Variants in PRKN observed in about 807,000 individuals in gnomAD.
PRKN encodes parkin RBR E3 ubiquitin protein ligase, also known as E3 ubiquitin-protein ligase parkin.
A neutral mutation model predicts 59.5 loss-of-function variants in PRKN; 56 were observed. The observed-to-expected ratio is 0.94, with a 90% CI of 0.76 to 1.18. The LOEUF (loss-of-function observed/expected upper bound fraction) is 1.18, where lower values mean the gene tolerates loss of function less well. PRKN is among the 50% of genes most tolerant of loss of function. PRKN has a pLI of 0.00. For missense variants in PRKN, 657 were observed against 596.4 expected (o/e 1.10, Z -1.06); for synonymous variants, 250 against 222.1 (o/e 1.13, Z -1.12).
At chr6:162,678,208 G>A (rs1422582652) in intron 1 of PRKN, among the ~76,000 whole-genome samples, 1 of 152,172 alleles carries the variant, frequency 6.6e-6, no homozygotes, top group African/African-American at 2.4e-5. Context: ...ACCTGTTGAT[G>A]GTTATTGGAG....
chr6:162,095,140 G>T (rs1453048113), intron 4 of PRKN, among the ~76,000 whole-genome samples: 1 of 152,176 alleles, frequency 6.6e-6, no homozygotes, highest in Admixed American at 6.5e-5. Flanking sequence ...GGTGGCTTTA[G>T]AATTACTACA....
rs1408064397 is a variant in PRKN, at chr6:161,578,204, A to G, written c.872-8788T>C. On this transcript the variant is annotated intron_variant, in intron 7 of 11. Coordinates refer to ENST00000366898, the MANE Select transcript of PRKN (RefSeq NM_004562.3). The surrounding 1 kb of genome is among the most constrained non-coding windows in gnomAD (Gnocchi z 4.2). The stretch of plus-strand genomic sequence containing the variant: ...AAGCCTGGAGTGTTTGAGGAATCCA[A>G]GCAGCTGCTTGGCTGCAGATGAGAA... Among the ~76,000 whole-genome samples, 1 of 152,146 alleles carries G rather than the reference A, an allele frequency of 6.6e-6. No homozygotes were observed. Among genetic ancestry groups the G allele is most frequent in the Non-Finnish European group, 1.5e-5 (1 of 68,026 alleles).
At chr6:162,718,393 T>C (rs142249636) in intron 1 of PRKN, among the ~76,000 whole-genome samples, 5 of 152,234 alleles carry the variant, frequency 3.3e-5, no homozygotes, top group Admixed American at 6.5e-5. Context: ...TATGAAAGTT[T>C]CTTAGATGTT....
At chr6:162,551,370 TA>T (rs1295857222) in intron 1 of PRKN, among the ~76,000 whole-genome samples, 3 of 152,216 alleles carry the variant, frequency 2.0e-5, no homozygotes, top group Non-Finnish European at 2.9e-5. Flanking sequence ...ATATAAGAGC[TA>T]CAAAAGAATA....
intron 4 of PRKN, among the ~76,000 whole-genome samples, chr6:162,075,558 A>G (rs1034917153): frequency 2.0e-5 from 3 of 152,016 alleles, no homozygotes; most frequent in Admixed American, 2.0e-4. Flanking sequence ...TATTGCTTCT[A>G]TATAATGTAC....
At chr6:162,385,072 CT>C (rs60719989) in intron 2 of PRKN, among the ~76,000 whole-genome samples, 11,847 of 152,090 alleles carry the variant, frequency 0.078, 506 homozygotes, top group South Asian at 0.12. Context: ...TATTCTATTT[CT>C]TTAACAAAGA....
At chr6:162,720,511 C>T (rs900403137) in intron 1 of PRKN, among the ~76,000 whole-genome samples, 17 of 135,432 alleles carry the variant, frequency 1.3e-4, no homozygotes, top group South Asian at 2.4e-4. Flanking sequence ...ACTGCAGTGG[C>T]GCAATCTCGG....
intron 4 of PRKN, among the ~76,000 whole-genome samples, chr6:162,054,798 T>A (rs903532310): frequency 1.3e-5 from 2 of 152,272 alleles, no homozygotes; most frequent in Non-Finnish European, 2.9e-5. Context: ...AATTATTGCA[T>A]TCCTCTTGGA....
At chr6:162,680,204 A>G (rs1357150201) in intron 1 of PRKN, among the ~76,000 whole-genome samples, 2 of 150,872 alleles carry the variant, frequency 1.3e-5, no homozygotes, top group Non-Finnish European at 2.9e-5. Flanking sequence ...TTGAGGAAGA[A>G]AAGAAATATA....
intron 7 of PRKN, among the ~76,000 whole-genome samples, chr6:161,590,879 A>G (rs1444507840): frequency 6.6e-6 from 1 of 152,236 alleles, no homozygotes. Flanking sequence ...AATAGTCTAG[A>G]TAAGAGGGGT....
chr6:162,584,295 C>T (rs532517667), intron 1 of PRKN, among the ~76,000 whole-genome samples: 2 of 150,360 alleles, frequency 1.3e-5, no homozygotes, highest in Non-Finnish European at 3.0e-5. Context: ...GGACAGAGAA[C>T]ATAGAACACT....
intron 3 of PRKN, among the ~76,000 whole-genome samples, chr6:162,225,275 A>T (rs190014576): frequency 2.0e-5 from 3 of 152,264 alleles, no homozygotes; most frequent in Non-Finnish European, 4.4e-5. Context: ...CCATGACTGT[A>T]AATACCTTAT....
chr6:161,907,061 C>T (rs899604158), intron 6 of PRKN, among the ~76,000 whole-genome samples: 9 of 152,168 alleles, frequency 5.9e-5, no homozygotes, highest in Non-Finnish European at 1.2e-4. Flanking sequence ...AGGAATGATA[C>T]TTTGCATCCT....
chr6:162,354,218 G>A (rs1408257292), intron 2 of PRKN, among the ~76,000 whole-genome samples: 1 of 152,078 alleles, frequency 6.6e-6, no homozygotes, highest in Non-Finnish European at 1.5e-5. Context: ...AACAATAAAA[G>A]AAAACTAAGA....
At chr6:161,826,799 G>A (rs1456595578) in intron 6 of PRKN, among the ~76,000 whole-genome samples, 4 of 152,184 alleles carry the variant, frequency 2.6e-5, no homozygotes, top group East Asian at 1.9e-4. Flanking sequence ...GAACGGACAC[G>A]CTGAGTGAGT....
At chr6:161,963,398 G>A (rs1343195711) in intron 6 of PRKN, among the ~76,000 whole-genome samples, 2 of 152,224 alleles carry the variant, frequency 1.3e-5, no homozygotes, top group Non-Finnish European at 2.9e-5. Flanking sequence ...CTCTGCTGAC[G>A]CAGCTGCTCA....
chr6:162,336,806 G>A (rs1386431576), intron 2 of PRKN, among the ~76,000 whole-genome samples: 1 of 152,196 alleles, frequency 6.6e-6, no homozygotes, highest in Non-Finnish European at 1.5e-5. Context: ...ATAGAGGACA[G>A]CTCAACAAAT....
chr6:161,751,304 G>A (rs538170591), intron 7 of PRKN, among the ~76,000 whole-genome samples: 3 of 152,138 alleles, frequency 2.0e-5, no homozygotes, highest in Non-Finnish European at 4.4e-5. Flanking sequence ...AGAAAGCCAG[G>A]AATGATTCTT....
At chr6:161,672,392 T>A (rs1784940418) in intron 7 of PRKN, among the ~76,000 whole-genome samples, 1 of 152,228 alleles carries the variant, frequency 6.6e-6, no homozygotes, top group Admixed American at 6.5e-5. Context: ...AGAGATTTAT[T>A]TCTTATTCAT....
Sources: gnomAD v4.1 joint callset for allele counts (sites outside exome capture counted in the v4.1 genomes callset) on GRCh38, gnomAD v4.1.1 for gene constraint, Gnocchi (gnomAD v3.1) non-coding constraint, MANE v1.5 for transcripts, NCBI Gene and HGNC (gene_info 2026-07-23, HGNC 2026-07-21) for gene names.